DDX10: variants seen among roughly 807,000 people sequenced by gnomAD.
DDX10 encodes DEAD-box helicase 10, also known as probable ATP-dependent RNA helicase DDX10.
A neutral mutation model predicts 104.3 loss-of-function variants in DDX10; 74 were observed. The observed-to-expected ratio is 0.71, with a 90% CI of 0.59 to 0.86. The LOEUF is 0.86. Among genes scored for constraint, DDX10 ranks in the 40% least tolerant of loss-of-function variants. The pLI, the probability that DDX10 is intolerant of heterozygous loss-of-function variation, is 0.00. For missense variants in DDX10, 952 were observed against 1,040.0 expected (o/e 0.92, Z 1.16); for synonymous variants, 351 against 353.4 (o/e 0.99, Z 0.08).
intron 13 of DDX10, among the ~76,000 whole-genome samples, chr11:108,735,784 G>C (rs960835251): frequency 2.0e-5 from 3 of 151,956 alleles, no homozygotes; most frequent in African/African-American, 7.2e-5. Context: ...ATTGAACACT[G>C]AGAGCTAGGC....
At chr11:108,825,326 T>A (rs1389134205) in intron 13 of DDX10, among the ~76,000 whole-genome samples, 1 of 152,118 alleles carries the variant, frequency 6.6e-6, no homozygotes, top group African/African-American at 2.4e-5. Context: ...ATGAAAGTTG[T>A]TTTTCTTAAG....
rs138393199 is a variant in DDX10, at chr11:108,898,861, G to A, written c.2305-19012G>A. Among the ~76,000 whole-genome samples, 13 of 152,232 alleles carry A rather than the reference G, an allele frequency of 8.5e-5. No individual in the cohort carries two copies. In the East Asian group the frequency reaches 2.3e-3, roughly 27 times the overall value. ...TGTCAAAAGAGTAGGGGCAAATAGA[G>A]AACTTCCCCTTTGCCTTCTGAAGGT... On this transcript the variant is annotated intron_variant, in intron 16 of 17. Transcript: ENST00000322536.
chr11:108,854,815 T>C (rs1481468899), intron 16 of DDX10, among the ~76,000 whole-genome samples: 2 of 152,158 alleles, frequency 1.3e-5, no homozygotes, highest in African/African-American at 4.8e-5. Flanking sequence ...TTAATGATAA[T>C]GTGAATTTTC....
At chr11:108,804,753 A>G (rs1289503431) in intron 13 of DDX10, among the ~76,000 whole-genome samples, 2 of 152,098 alleles carry the variant, frequency 1.3e-5, no homozygotes, top group Non-Finnish European at 2.9e-5. Flanking sequence ...TGACAGCTGT[A>G]TGACCGAAGC....
rs148574697 is a variant in DDX10, at chr11:108,776,300, C to T, written c.1965+52838C>T. Among the ~76,000 whole-genome samples the T allele has an allele frequency of 3.0e-3, 459 of 152,288 alleles. 1 individual carries two copies. The highest frequency in any genetic ancestry group is 5.6e-3 in the Non-Finnish European group (383 of 68,022). On this transcript the variant is annotated intron_variant, in intron 13 of 17. Coordinates refer to ENST00000322536, the MANE Select transcript of DDX10 (RefSeq NM_004398.4). ...GAGCTCCTTGGAGTTTTGCCACTTG[C>T]ACGTGCATTTCAGCTGTCAGCCAAG... is the stretch of plus-strand genomic sequence containing the variant.
At position 108,814,986 on chromosome 11, in the gene DDX10, G is replaced by A. The variant is rs547391269; in HGVS notation, c.1966-23460G>A. On this transcript the variant is annotated intron_variant, in intron 13 of 17. Coordinates refer to ENST00000322536, the MANE Select transcript of DDX10 (RefSeq NM_004398.4). The stretch of plus-strand genomic sequence containing the variant: ...GGAATCAGGAAAGACTTATGTTATC[G>A]ACATCAGAGCTAATCTGGAAGTATA... 8.5e-5 allele frequency among the ~76,000 whole-genome samples: 13 copies of A among 152,232 alleles called. No homozygotes were observed. The South Asian group carries it at 2.5e-3, about 29-fold the overall frequency.
chr11:108,914,777 A>T (rs1054433036), intron 16 of DDX10, among the ~76,000 whole-genome samples: 6 of 151,954 alleles, frequency 3.9e-5, no homozygotes, highest in African/African-American at 1.5e-4. Context: ...CAAAGAATTA[A>T]AGGAAAATAT....
At chr11:108,668,894 T>C (rs1339484967) in intron 1 of DDX10, among the ~76,000 whole-genome samples, 1 of 152,170 alleles carries the variant, frequency 6.6e-6, no homozygotes, top group Non-Finnish European at 1.5e-5. Flanking sequence ...TATCCTATAC[T>C]GAGCTCCTTC....
At chr11:108,764,340 T>G (rs1254933971) in intron 13 of DDX10, among the ~76,000 whole-genome samples, 1 of 152,068 alleles carries the variant, frequency 6.6e-6, no homozygotes, top group Non-Finnish European at 1.5e-5. Context: ...AGGTTATTTT[T>G]TATAAAATTC....
At chr11:108,724,497 A>G (rs1034361907) in intron 13 of DDX10, among the ~76,000 whole-genome samples, 3 of 152,122 alleles carry the variant, frequency 2.0e-5, no homozygotes, top group East Asian at 1.9e-4. Flanking sequence ...GAATTTGAAC[A>G]TAGGTGTTCT....
intron 7 of DDX10, 135 bp downstream of exon 7, chr11:108,689,197 G>A: frequency 1.1e-6 from 1 of 875,634 alleles, no homozygotes; most frequent in Admixed American, 2.3e-5. Context: ...TGTCCTTGTT[G>A]CAAAGGAATC....
chr11:108,864,736 A>C (rs2134617805), intron 16 of DDX10, among the ~76,000 whole-genome samples: 1 of 152,318 alleles, frequency 6.6e-6, no homozygotes, highest in Non-Finnish European at 1.5e-5. Flanking sequence ...CTGGGATTAC[A>C]GGTGTGAGCC....
chr11:108,857,699 A>G (rs191817242), intron 16 of DDX10, among the ~76,000 whole-genome samples: 2 of 152,346 alleles, frequency 1.3e-5, no homozygotes, highest in Admixed American at 1.3e-4. Flanking sequence ...AAGTTGAAGT[A>G]ACTTTCCCAA....
intron 13 of DDX10, among the ~76,000 whole-genome samples, chr11:108,755,887 A>G (rs1288027389): frequency 6.6e-6 from 1 of 151,960 alleles, no homozygotes; most frequent in African/African-American, 2.4e-5. Flanking sequence ...TTTAATGCAT[A>G]ACAGATGCTC....
chr11:108,872,354 C>T (rs1863094041), intron 16 of DDX10, among the ~76,000 whole-genome samples: 1 of 152,078 alleles, frequency 6.6e-6, no homozygotes, highest in African/African-American at 2.4e-5. Flanking sequence ...ATTTTCTTTA[C>T]TATGTTTGGC....
intron 6 of DDX10, among the ~76,000 whole-genome samples, chr11:108,681,286 C>G (rs1200326067): frequency 6.6e-6 from 1 of 152,038 alleles, no homozygotes; most frequent in Non-Finnish European, 1.5e-5. Context: ...TATTATTTCA[C>G]AAATGATTTT....
intron 16 of DDX10, among the ~76,000 whole-genome samples, chr11:108,882,116 T>TG (rs1334470912): frequency 2.6e-5 from 4 of 152,114 alleles, no homozygotes; most frequent in Admixed American, 6.5e-5. Flanking sequence ...TTATGAACTG[T>TG]GGGGAAAAAA....
intron 2 of DDX10, among the ~76,000 whole-genome samples, chr11:108,675,076 G>A (rs2134437280): frequency 6.7e-6 from 1 of 149,618 alleles, no homozygotes; most frequent in African/African-American, 2.5e-5. Context: ...TAAAGGCTGA[G>A]TCATATTCCA....
chr11:108,811,528 C>G (rs2134568257), intron 13 of DDX10, among the ~76,000 whole-genome samples: 1 of 152,262 alleles, frequency 6.6e-6, no homozygotes, highest in South Asian at 2.1e-4. Flanking sequence ...ATTCACCATC[C>G]TCTGCCATGA....
Sources: gnomAD v4.1 joint callset for allele counts (sites outside exome capture counted in the v4.1 genomes callset) on GRCh38, gnomAD v4.1.1 for gene constraint, MANE v1.5 for transcripts, NCBI Gene and HGNC (gene_info 2026-07-23, HGNC 2026-07-21) for gene names.